Variants in TPTE observed in about 807,000 individuals in gnomAD.
TPTE encodes the protein transmembrane phosphatase with tensin homology.
TPTE carries 59 observed loss-of-function variants against 84.1 expected under a neutral mutation model. The observed-to-expected ratio is 0.70, with a 90% CI of 0.57 to 0.87. TPTE has a LOEUF of 0.87. TPTE is among the 40% of genes least tolerant of loss of function. TPTE has a pLI of 0.00. For synonymous variants in TPTE, 130 were observed against 223.5 expected, an observed-to-expected ratio of 0.58 and a Z score of 3.73; for missense variants, 382 against 659.6, an observed-to-expected ratio of 0.58 and a Z score of 4.61.
At chr21:10,538,503 C>T (rs951402606) in intron 3 of TPTE, among the ~76,000 whole-genome samples, 178 bp from the exon 4 acceptor site, 3 of 152,302 alleles carry the variant, frequency 2.0e-5, no homozygotes, top group African/African-American at 7.2e-5. Context: ...TGTTGGTTGC[C>T]ATCATATAAA....
intron 2 of TPTE, among the ~76,000 whole-genome samples, chr21:10,526,598 G>A (rs1399276621): frequency 1.3e-5 from 2 of 152,312 alleles, no homozygotes; most frequent in African/African-American, 4.8e-5. Context: ...TGAAAAGTTA[G>A]AAAATTGTGG....
In TPTE at chr21:10,532,746, G is replaced by A. The variant is rs188136703; in HGVS notation, c.-44+5334G>A. 1.3e-4 allele frequency among the ~76,000 whole-genome samples: 20 copies of A among 152,414 alleles called. No individual in the cohort carries two copies. The East Asian group carries it at 3.5e-3, about 26-fold the overall frequency. ...CGTGATTTCCCTTTTAACATAAGAG[G>A]CATTCAGTAATGTGTAATTTAGTTT... is the stretch of plus-strand genomic sequence containing the variant. On this transcript the variant is annotated intron_variant, in intron 3 of 23. Transcript: ENST00000618007.
chr21:10,600,785 A>G (rs1978385764), intron 21 of TPTE, among the ~76,000 whole-genome samples: 1 of 152,312 alleles, frequency 6.6e-6, no homozygotes, highest in Admixed American at 6.5e-5. Context: ...TTTCTATGAG[A>G]ATGAGTCAAA....
intron 9 of TPTE, among the ~76,000 whole-genome samples, chr21:10,560,680 T>G (rs1246465283): frequency 3.3e-5 from 5 of 152,308 alleles, no homozygotes; most frequent in African/African-American, 1.2e-4. Context: ...GAGAAATTGG[T>G]ATAAACTTCT....
intron 8 of TPTE, among the ~76,000 whole-genome samples, chr21:10,554,782 A>G (rs1267585910): frequency 6.6e-6 from 1 of 152,310 alleles, no homozygotes; most frequent in Non-Finnish European, 1.5e-5. Context: ...TCATTTAAAT[A>G]AAATATCTGC....
chr21:10,603,461 G>A (rs1402070002), intron 22 of TPTE, 101 bp from the exon 23 acceptor site: 9 of 1,210,198 alleles, frequency 7.4e-6, no homozygotes, highest in Non-Finnish European at 8.1e-6. Context: ...GGTTATAATT[G>A]TTTGATAAAT....
chr21:10,556,203 C>T (rs545301252), intron 8 of TPTE, among the ~76,000 whole-genome samples: 51 of 152,396 alleles, frequency 3.3e-4, no homozygotes, highest in African/African-American at 1.1e-3. Context: ...TCCCCCCACC[C>T]CATGACAGGC....
intron 17 of TPTE, among the ~76,000 whole-genome samples, chr21:10,585,989 C>T (rs665534): frequency 2.6e-5 from 4 of 151,504 alleles, no homozygotes; most frequent in South Asian, 2.1e-4. Context: ...AGTCTTACCA[C>T]GGATTTATCA....
Position 10,591,897 on chromosome 21 carries a change from T to A in TPTE, c.1090-396T>A, listed in dbSNP as rs201507160. 1.6e-3 allele frequency among the ~76,000 whole-genome samples: 243 copies of A among 151,924 alleles called. No individual in the cohort carries two copies. The East Asian group carries it at 0.042, about 26-fold the overall frequency. On this transcript the variant is annotated intron_variant, in intron 18 of 23. Coordinates refer to ENST00000618007, the MANE Select transcript of TPTE (RefSeq NM_199261.4). ...ATCACTGCGGCCGGGCACGGGTGGC[T>A]CACGCCTGTAATCCCAGCACTTTGG...
rs754172584 is a variant in TPTE, at chr21:10,602,070, A to G, written c.1369A>G (p.Ile457Val). ...SLGKCSVLDN[I>V]TTDKILIDVF... ...TGTTCATTCATAGGTACTTGATAAC[A>G]TTACAACAGACAAAATATTAATTGA... Residue 457 changes from isoleucine to valine, a missense_variant, in exon 22 of 24, where the codon ATT becomes GTT. This residue lies in a region of TPTE where 13 missense variants were observed against 46.7 expected (regional missense o/e 0.28). Coordinates refer to ENST00000618007, the MANE Select transcript of TPTE (RefSeq NM_199261.4). The G allele has an allele frequency of 6.2e-6, 10 of 1,612,844 alleles. No individual in the cohort carries two copies. The highest frequency in any genetic ancestry group is 2.2e-5 in the South Asian group (2 of 91,060).
At chr21:10,598,771 A>G (rs866832271) in intron 21 of TPTE, among the ~76,000 whole-genome samples, 1,884 of 149,010 alleles carry the variant, frequency 0.013, no homozygotes, top group African/African-American at 0.047. Flanking sequence ...AGCATCTTTC[A>G]TGGTCTAATA....
chr21:10,525,000 A>C (rs1295395639), intron 2 of TPTE, among the ~76,000 whole-genome samples: 1 of 152,312 alleles, frequency 6.6e-6, no homozygotes, highest in Non-Finnish European at 1.5e-5. Context: ...GATAATATGC[A>C]TATACTGGTC....
intron 7 of TPTE, among the ~76,000 whole-genome samples, chr21:10,549,776 A>T (rs1199821686): frequency 6.6e-6 from 1 of 152,312 alleles, no homozygotes; most frequent in Non-Finnish European, 1.5e-5. Context: ...CATATTTAAT[A>T]AAATAGCGTA....
chr21:10,590,595 A>G (rs1171038463), intron 18 of TPTE, 72 bp downstream of exon 18: 1 of 1,600,276 alleles, frequency 6.2e-7, no homozygotes. Context: ...CACTGGCAGG[A>G]CATTAAGATG....
intron 2 of TPTE, among the ~76,000 whole-genome samples, chr21:10,525,150 A>G (rs1215578284): frequency 1.3e-5 from 2 of 152,306 alleles, no homozygotes; most frequent in Non-Finnish European, 2.9e-5. Flanking sequence ...ATCTCAATTA[A>G]CACCTGAAAC....
intron 1 of TPTE, among the ~76,000 whole-genome samples, chr21:10,524,340 A>C (rs904935834): frequency 6.6e-6 from 1 of 152,308 alleles, no homozygotes; most frequent in Non-Finnish European, 1.5e-5. Flanking sequence ...ACTAATTGAC[A>C]TTCCTTTCCC....
intron 10 of TPTE, among the ~76,000 whole-genome samples, chr21:10,563,048 T>A (rs1245798406): frequency 6.6e-6 from 1 of 152,310 alleles, no homozygotes; most frequent in African/African-American, 2.4e-5. Flanking sequence ...CGCTACAATA[T>A]ATCTGGCAGC....
intron 3 of TPTE, among the ~76,000 whole-genome samples, chr21:10,534,091 G>A (rs469957): frequency 0.22 from 31,793 of 144,902 alleles, 64 homozygotes; most frequent in African/African-American, 0.47. Flanking sequence ...ATTCATAATT[G>A]TGCTGTTAGT....
chr21:10,534,358 A>G (rs1272728815), intron 3 of TPTE, among the ~76,000 whole-genome samples: 2 of 152,306 alleles, frequency 1.3e-5, no homozygotes, highest in African/African-American at 4.8e-5. Context: ...TTTTACTGTA[A>G]CTACTCCTGG....
Sources: gnomAD v4.1 joint callset for allele counts (sites outside exome capture counted in the v4.1 genomes callset) on GRCh38, gnomAD v4.1.1 for gene constraint, gnomAD v4.1.1 regional missense constraint, MANE v1.5 for transcripts, NCBI Gene and HGNC (gene_info 2026-07-23, HGNC 2026-07-21) for gene names.